Variants in PKP2 observed in about 807,000 individuals in gnomAD.
PKP2 encodes plakophilin-2.
Under a neutral mutation model 83.4 loss-of-function variants are expected in PKP2, and 73 were observed. The ratio of observed to expected loss-of-function variants is 0.88; its 90% confidence interval spans 0.72 to 1.06. PKP2 has a LOEUF of 1.06. Among genes scored for constraint, PKP2 ranks in the 50% least tolerant of loss-of-function variants. The pLI, the probability that PKP2 is intolerant of heterozygous loss-of-function variation, is 0.00. For missense variants in PKP2, 966 were observed against 1,065.4 expected (o/e 0.91, Z 1.30); for synonymous variants, 409 against 430.4 (o/e 0.95, Z 0.62).
intron 3 of PKP2, among the ~76,000 whole-genome samples, chr12:32,871,642 T>A (rs1956897653): frequency 6.6e-6 from 1 of 152,116 alleles, no homozygotes; most frequent in Admixed American, 6.6e-5. Flanking sequence ...ATTTTTCTAT[T>A]TGTAGTAGAG....
chr12:32,861,920 G>C (rs532188680), intron 4 of PKP2, among the ~76,000 whole-genome samples: 54 of 152,240 alleles, frequency 3.5e-4, no homozygotes, highest in African/African-American at 1.3e-3. Flanking sequence ...GAGACAGAGA[G>C]AGAGTCTCAC....
chr12:32,804,702 T>G (rs2137730717), intron 9 of PKP2, among the ~76,000 whole-genome samples: 1 of 152,328 alleles, frequency 6.6e-6, no homozygotes. Flanking sequence ...AATCTATCAC[T>G]GGTGGGCATT....
intron 9 of PKP2, chr12:32,820,715 T>C (rs1015235548): frequency 6.5e-6 from 1 of 154,066 alleles, no homozygotes; most frequent in African/African-American, 2.4e-5. Context: ...ATCAAACCCA[T>C]GCCCTGGAAG....
intron 4 of PKP2, among the ~76,000 whole-genome samples, chr12:32,852,950 G>A (rs943401627): frequency 6.6e-6 from 1 of 152,142 alleles, no homozygotes; most frequent in African/African-American, 2.4e-5. Context: ...CAGGCATGGT[G>A]GTGGGTGCCT....
chr12:32,838,988 T>C (rs566894144), intron 6 of PKP2, among the ~76,000 whole-genome samples: 11 of 152,304 alleles, frequency 7.2e-5, no homozygotes, highest in South Asian at 2.1e-4. Context: ...AGGCAGATAA[T>C]AGAAAATGTT....
intron 6 of PKP2, among the ~76,000 whole-genome samples, chr12:32,830,449 G>C (rs1420505581): frequency 6.6e-6 from 1 of 152,190 alleles, no homozygotes; most frequent in Non-Finnish European, 1.5e-5. Context: ...AAAGTCAGCT[G>C]TTCATTCTGC....
chr12:32,881,271 T>C (rs543362847), intron 1 of PKP2, among the ~76,000 whole-genome samples: 1 of 152,288 alleles, frequency 6.6e-6, no homozygotes, highest in African/African-American at 2.4e-5. Context: ...ACTGTCACCC[T>C]AGAGACAAGA....
chr12:32,877,240 A>T (rs1230273410), intron 3 of PKP2, among the ~76,000 whole-genome samples: 1 of 152,228 alleles, frequency 6.6e-6, no homozygotes, highest in African/African-American at 2.4e-5. Context: ...TCCAAACACT[A>T]AATTAGTCAA....
chr12:32,792,395 T>C lies in PKP2; in HGVS notation c.*29A>G, dbSNP rs1471887165. The C allele has an allele frequency of 1.1e-5, 17 of 1,566,774 alleles. No individual in the cohort carries two copies. The highest frequency in any genetic ancestry group is 8.8e-7 in the Non-Finnish European group (1 of 1,136,786). On this transcript the variant is annotated 3_prime_UTR_variant, in exon 13 of 13. Coordinates refer to ENST00000340811, the MANE Select transcript of PKP2 (RefSeq NM_001005242.3). Reference sequence around the variant, plus strand: ...AATAGGTGTTTTCCTTTGGGGATTTTTGCAGCCGAGAATACTTTGTCATTT... The same window carrying C: ...AATAGGTGTTTTCCTTTGGGGATTTCTGCAGCCGAGAATACTTTGTCATTT...
chr12:32,806,036 C>T (rs1956222047), intron 9 of PKP2, among the ~76,000 whole-genome samples: 1 of 152,188 alleles, frequency 6.6e-6, no homozygotes, highest in Non-Finnish European at 1.5e-5. Context: ...GAATGTTGAA[C>T]CAACCTTGCA....
At chr12:32,834,176 T>A (rs1956525368) in intron 6 of PKP2, among the ~76,000 whole-genome samples, 1 of 152,226 alleles carries the variant, frequency 6.6e-6, no homozygotes, top group Non-Finnish European at 1.5e-5. Context: ...TGCATTGTCA[T>A]GATCTCTTCA....
rs550078144 is a variant in PKP2 at position 32,873,224 on chromosome 12, TGAG to T, written c.1035-4165_1035-4163del. Reference sequence around the variant, plus strand: ...AAGTGATTCTGTTGCCTCAGCCTCCTGAGTAGTTGGGGCTACAGGCATGCACCA... The same window carrying T: ...AAGTGATTCTGTTGCCTCAGCCTCCTTAGTTGGGGCTACAGGCATGCACCA... On this transcript the variant is annotated intron_variant, in intron 3 of 12. Transcript: ENST00000340811. 1.9e-3 allele frequency among the ~76,000 whole-genome samples: 291 copies of T among 152,206 alleles called. 1 individual carries two copies. The highest frequency in any genetic ancestry group is 6.8e-3 in the Middle Eastern group (2 of 294).
intron 6 of PKP2, among the ~76,000 whole-genome samples, chr12:32,827,413 A>G (rs1268442605): frequency 6.6e-6 from 1 of 152,250 alleles, no homozygotes; most frequent in African/African-American, 2.4e-5. Context: ...ATTATTTTAT[A>G]CCACTGCATC....
At chr12:32,796,600 C>T (rs536410025) in intron 10 of PKP2, among the ~76,000 whole-genome samples, 1 of 151,958 alleles carries the variant, frequency 6.6e-6, no homozygotes, top group South Asian at 2.1e-4. Flanking sequence ...GGAGTTTCAC[C>T]GTGTTAGCCA....
At chr12:32,891,017 A>C (rs1352630305) in intron 1 of PKP2, among the ~76,000 whole-genome samples, 1 of 151,996 alleles carries the variant, frequency 6.6e-6, no homozygotes, top group Non-Finnish European at 1.5e-5. Context: ...TTATGAGAGC[A>C]CTTGATAGTT....
At chr12:32,840,231 T>C (rs953843374) in intron 6 of PKP2, among the ~76,000 whole-genome samples, 1 of 152,204 alleles carries the variant, frequency 6.6e-6, no homozygotes, top group Non-Finnish European at 1.5e-5. Flanking sequence ...ACACATTTCA[T>C]TGTAGCTGTC....
At chr12:32,888,788 C>A (rs1420337787) in intron 1 of PKP2, among the ~76,000 whole-genome samples, 1 of 139,532 alleles carries the variant, frequency 7.2e-6, no homozygotes, top group Non-Finnish European at 1.6e-5. Flanking sequence ...CCACTGCGCC[C>A]GGCCTCTTTT....
chr12:32,794,181 C>T (rs1323157828), intron 11 of PKP2, among the ~76,000 whole-genome samples: 1 of 152,154 alleles, frequency 6.6e-6, no homozygotes, highest in Non-Finnish European at 1.5e-5. Context: ...TTATTAGTAA[C>T]CCCTGGACTT....
At chr12:32,862,763 G>C (rs924523788) in intron 4 of PKP2, among the ~76,000 whole-genome samples, 1 of 152,104 alleles carries the variant, frequency 6.6e-6, no homozygotes, top group Non-Finnish European at 1.5e-5. Flanking sequence ...GGATCACTTT[G>C]AGAGGCGGGT....
Sources: gnomAD v4.1 joint callset for allele counts (sites outside exome capture counted in the v4.1 genomes callset) on GRCh38, gnomAD v4.1.1 for gene constraint, MANE v1.5 for transcripts, NCBI Gene and HGNC (gene_info 2026-07-23, HGNC 2026-07-21) for gene names.